The following HYCC1 variants were observed in gnomAD, a reference collection of about 807,000 sequenced individuals.
HYCC1 encodes the protein hyccin PI4KA lipid kinase complex subunit 1, also known as hyccin.
chr7:22,993,159 G>A, the HYCC1 span, among the ~76,000 whole-genome samples: 1 of 152,048 alleles, frequency 6.6e-6, no homozygotes, highest in African/African-American at 2.4e-5. Flanking sequence ...ATAATAAATG[G>A]GGCTAGGTTA....
the HYCC1 span, among the ~76,000 whole-genome samples, chr7:22,932,880 G>A: frequency 6.6e-6 from 1 of 152,134 alleles, no homozygotes; most frequent in African/African-American, 2.4e-5. Flanking sequence ...TAGCTAAGTT[G>A]GAGTCATAAT....
At chr7:22,958,580 A>G in the HYCC1 span, among the ~76,000 whole-genome samples, 1 of 152,272 alleles carries the variant, frequency 6.6e-6, no homozygotes, top group Non-Finnish European at 1.5e-5. Flanking sequence ...ACAATCTGGA[A>G]GATATGTAAG....
At chr7:22,908,127 T>C in the HYCC1 span, among the ~76,000 whole-genome samples, 1 of 152,160 alleles carries the variant, frequency 6.6e-6, no homozygotes, top group Non-Finnish European at 1.5e-5. Flanking sequence ...ATAATTTTGT[T>C]TTAGTAGACT....
At chr7:22,961,393 A>G in the HYCC1 span, 1 of 857,154 alleles carries the variant, frequency 1.2e-6, no homozygotes, top group South Asian at 1.5e-5. Flanking sequence ...ATGAGAAACT[A>G]TCTTTACTGA....
the HYCC1 span, among the ~76,000 whole-genome samples, chr7:23,001,500 A>C: frequency 2.0e-5 from 3 of 152,178 alleles, no homozygotes; most frequent in Non-Finnish European, 4.4e-5. Flanking sequence ...TTTCATTCTA[A>C]ATTGAAAAGT....
chr7:22,983,936 G>C, the HYCC1 span: 9 of 1,488,274 alleles, frequency 6.0e-6, no homozygotes, highest in Non-Finnish European at 8.4e-6. Flanking sequence ...AACCATAAAA[G>C]TACTTACCTC....
the HYCC1 span, chr7:22,943,449 A>G: frequency 6.6e-6 from 1 of 152,170 alleles, no homozygotes; most frequent in Admixed American, 6.6e-5. Context: ...TTAACAAGAT[A>G]CCAGATAATG....
the HYCC1 span, among the ~76,000 whole-genome samples, chr7:22,958,593 T>C: frequency 3.3e-5 from 5 of 152,144 alleles, no homozygotes; most frequent in East Asian, 9.6e-4. Flanking sequence ...TATGTAAGAA[T>C]CTGCTAGAAA....
the HYCC1 span, among the ~76,000 whole-genome samples, chr7:23,002,960 C>T: frequency 2.0e-4 from 31 of 152,236 alleles, no homozygotes; most frequent in East Asian, 5.2e-3. Context: ...TTCACATTGT[C>T]CTCCTTCTAT....
At chr7:22,919,602 T>G in the HYCC1 span, among the ~76,000 whole-genome samples, 100 of 150,840 alleles carry the variant, frequency 6.6e-4, 1 homozygote, top group South Asian at 0.015. Flanking sequence ...AGATATGAAT[T>G]ATTAAAAAAA....
the HYCC1 span, chr7:22,964,652 C>A: frequency 1.5e-6 from 1 of 658,696 alleles, no homozygotes; most frequent in South Asian, 1.8e-5. Context: ...ATTTATGAAA[C>A]AAAGAATCTT....
At chr7:22,964,501 A>T in the HYCC1 span, 1 of 1,608,080 alleles carries the variant, frequency 6.2e-7, no homozygotes. Context: ...ATTTTCTTAC[A>T]TGTTGTCGAG....
At chr7:22,954,606 CTG>C in the HYCC1 span, among the ~76,000 whole-genome samples, 2 of 151,312 alleles carry the variant, frequency 1.3e-5, no homozygotes, top group East Asian at 3.9e-4. Flanking sequence ...CAACATGAAA[CTG>C]TACTTTCTTT....
At chr7:23,013,281 C>G in the HYCC1 span, among the ~76,000 whole-genome samples, 1 of 152,216 alleles carries the variant, frequency 6.6e-6, no homozygotes, top group East Asian at 1.9e-4. Flanking sequence ...AAGAAGAGAT[C>G]TTCAGCGAAA....
chr7:22,976,048 T>C, the HYCC1 span, among the ~76,000 whole-genome samples: 8 of 152,224 alleles, frequency 5.3e-5, no homozygotes, highest in African/African-American at 1.9e-4. Context: ...GACTATCAAT[T>C]ATAGGGAACT....
chr7:22,985,062 G>A, the HYCC1 span, among the ~76,000 whole-genome samples: 23 of 152,122 alleles, frequency 1.5e-4, no homozygotes, highest in Non-Finnish European at 1.8e-4. Flanking sequence ...CCTCCTCAGC[G>A]ATATCTGTTT....
the HYCC1 span, among the ~76,000 whole-genome samples, chr7:22,967,499 T>C: frequency 4.6e-5 from 7 of 152,330 alleles, no homozygotes; most frequent in South Asian, 1.5e-3. Context: ...CATGAATATC[T>C]TATAACCTGC....
the HYCC1 span, among the ~76,000 whole-genome samples, chr7:22,922,207 A>C: frequency 6.6e-6 from 1 of 151,480 alleles, no homozygotes; most frequent in African/African-American, 2.4e-5. Context: ...TTACTAATAA[A>C]CATAATCTAA....
At chr7:22,967,295 C>T in the HYCC1 span, among the ~76,000 whole-genome samples, 1 of 152,142 alleles carries the variant, frequency 6.6e-6, no homozygotes, top group Non-Finnish European at 1.5e-5. Context: ...GAGAGGAATT[C>T]TCAGAAAAGA....
Sources: allele counts gnomAD v4.1 joint callset (sites outside exome capture counted in the v4.1 genomes callset), GRCh38; gene constraint gnomAD v4.1.1; transcripts MANE v1.5; gene names NCBI Gene and HGNC (gene_info 2026-07-23, HGNC 2026-07-21).